CASR: variants seen among roughly 807,000 people sequenced by gnomAD.
The protein encoded by CASR is calcium sensing receptor.
In CASR, 23 loss-of-function variants were observed where a neutral mutation model predicts 69.1. The observed-to-expected ratio is 0.33, with a 90% confidence interval of 0.24 to 0.47. CASR has a LOEUF of 0.47. CASR is among the 20% of genes least tolerant of loss of function. The pLI, the probability that CASR is intolerant of heterozygous loss-of-function variation, is 1.00. For synonymous variants in CASR, 541 were observed against 544.7 expected (o/e 0.99, Z 0.10); for missense variants, 924 against 1,356.1 (o/e 0.68, Z 5.00).
rs530578516 is a variant in CASR at position 122,213,827 on chromosome 3, A to T, written c.-243+30015A>T. ...GAGAAGGCAAGGATGATCTGAGATG[A>T]CTTACTCATACTGGCTCCTGACTAT... On this transcript the variant is annotated intron_variant, in intron 1 of 6. Coordinates refer to ENST00000639785, the MANE Select transcript of CASR (RefSeq NM_000388.4). Among the ~76,000 whole-genome samples, 30 of 152,340 alleles carry T rather than the reference A, an allele frequency of 2.0e-4. 1 individual carries two copies. In the South Asian group the frequency reaches 6.2e-3, roughly 32 times the overall value.
chr3:122,264,272 A>G (rs181227258), intron 4 of CASR, among the ~76,000 whole-genome samples: 12 of 152,230 alleles, frequency 7.9e-5, no homozygotes, highest in African/African-American at 2.9e-4. Flanking sequence ...AGGTATTTTC[A>G]TCTCATCTTT....
intron 1 of CASR, among the ~76,000 whole-genome samples, chr3:122,249,878 C>G (rs2074465464): frequency 6.6e-6 from 1 of 152,080 alleles, no homozygotes; most frequent in African/African-American, 2.4e-5. Flanking sequence ...AGCCTTTTTT[C>G]TCTGTCAGGC....
chr3:122,251,875 G>C (rs557529211), intron 1 of CASR, among the ~76,000 whole-genome samples: 6 of 152,368 alleles, frequency 3.9e-5, no homozygotes, highest in South Asian at 4.1e-4. Flanking sequence ...TCAAAGCCAG[G>C]TGTGAATCCA....
chr3:122,284,453 C>T lies in CASR; in HGVS notation c.2499C>T (p.Val833=), dbSNP rs1240932110. 2 of 1,613,618 alleles carry T rather than the reference C, an allele frequency of 1.2e-6. No individual in the cohort carries two copies. The highest frequency in any genetic ancestry group is 1.7e-6 in the Non-Finnish European group (2 of 1,180,062). ...ATGCCAGCACCTATGGCAAGTTTGT[C>T]TCTGCCGTAGAGGTGATTGCCATCC... is the stretch of plus-strand genomic sequence containing the variant. ...PAYASTYGKF[V]SAVEVIAILA... Residue 833 remains valine, a synonymous_variant, in exon 7 of 7, where the codon GTC becomes GTT. Transcript: ENST00000639785.
intron 4 of CASR, among the ~76,000 whole-genome samples, chr3:122,265,796 T>C (rs959075575): frequency 4.6e-5 from 7 of 152,228 alleles, no homozygotes; most frequent in African/African-American, 1.7e-4. Flanking sequence ...CCTACTCTCC[T>C]GCACCTCACA....
At chr3:122,277,269 A>G (rs2074834159) in intron 5 of CASR, among the ~76,000 whole-genome samples, 1 of 151,538 alleles carries the variant, frequency 6.6e-6, no homozygotes, top group African/African-American at 2.4e-5. Context: ...CTGGTCACGA[A>G]CTCCTGACCT....
rs1483024145 is a variant in CASR at position 122,291,075 on chromosome 3, C to T, written c.*5884C>T. On this transcript the variant is annotated 3_prime_UTR_variant, in exon 7 of 7. Coordinates refer to ENST00000639785, the MANE Select transcript of CASR (RefSeq NM_000388.4). ...GACACGAACTCCTCATTTTTTATGG[C>T]TGCATAGTATTCCATGGTGTATATG... The T allele has an allele frequency of 6.8e-6, 1 of 146,674 alleles. No homozygotes were observed. The highest frequency in any genetic ancestry group is 1.5e-5 in the Non-Finnish European group (1 of 66,374). The allele number at this position is 146,674 out of a possible 1,614,324, so 9.1% of individuals were successfully genotyped here.
At chr3:122,277,491 T>C (rs1169681415) in intron 5 of CASR, among the ~76,000 whole-genome samples, 1 of 152,236 alleles carries the variant, frequency 6.6e-6, no homozygotes, top group Non-Finnish European at 1.5e-5. Flanking sequence ...AGGTCTCCCA[T>C]AGACAGTGAA....
chr3:122,276,395 G>A (rs763404004), intron 5 of CASR, among the ~76,000 whole-genome samples: 6 of 152,274 alleles, frequency 3.9e-5, no homozygotes, highest in African/African-American at 7.2e-5. Context: ...CTCTCAGCTC[G>A]GCCAAGGGCA....
chr3:122,213,453 G>A (rs1212016419), intron 1 of CASR, among the ~76,000 whole-genome samples: 2 of 152,190 alleles, frequency 1.3e-5, no homozygotes, highest in Non-Finnish European at 2.9e-5. Context: ...CTCAGAGTTA[G>A]TTCCCATAAT....
At chr3:122,278,142 T>C (rs1239705439) in intron 5 of CASR, among the ~76,000 whole-genome samples, 1 of 152,130 alleles carries the variant, frequency 6.6e-6, no homozygotes, top group Non-Finnish European at 1.5e-5. Context: ...TCAAATGAGA[T>C]CAAGGATGAA....
At chr3:122,194,917 A>G (rs2073873828) in intron 1 of CASR, among the ~76,000 whole-genome samples, 1 of 151,882 alleles carries the variant, frequency 6.6e-6, no homozygotes, top group Admixed American at 6.6e-5. Flanking sequence ...TTTGGTCCGT[A>G]CACTTTAGTT....
chr3:122,284,552 C>G lies in CASR; in HGVS notation c.2598C>G (p.Arg866=). 6.2e-7 allele frequency: 1 copy of G among 1,614,124 alleles called. No homozygotes were observed. Among genetic ancestry groups the G allele is most frequent in the Non-Finnish European group, 8.5e-7 (1 of 1,180,054 alleles). The change falls in exon 7 of 7, where the codon CGC becomes CGG. Residue 866 remains arginine (R), a synonymous_variant. Coordinates refer to ENST00000639785, the MANE Select transcript of CASR (RefSeq NM_000388.4). The part of the protein sequence containing the change: ...KIYIILFKPS[R]NTIEEVRCST... ...ACATCATTCTCTTCAAGCCATCCCG[C>G]AACACCATCGAGGAGGTGCGTTGCA... is the stretch of plus-strand genomic sequence containing the variant.
At chr3:122,275,276 T>C (rs1216368788) in intron 4 of CASR, among the ~76,000 whole-genome samples, 1 of 152,224 alleles carries the variant, frequency 6.6e-6, no homozygotes, top group African/African-American at 2.4e-5. Flanking sequence ...ACAACAATAA[T>C]GGCCGGGCTT....
chr3:122,207,857 C>T (rs1383966473), intron 1 of CASR, among the ~76,000 whole-genome samples: 1 of 151,974 alleles, frequency 6.6e-6, no homozygotes, highest in Non-Finnish European at 1.5e-5. Context: ...AACTTCCTTC[C>T]TGAAAAGGAA....
In CASR at chr3:122,257,173, T is replaced by C. The variant is rs2074563619; in HGVS notation, c.278T>C (p.Leu93Pro). 6.2e-7 allele frequency: 1 copy of C among 1,614,080 alleles called. No individual in the cohort carries two copies. The highest frequency in any genetic ancestry group is 1.1e-5 in the South Asian group (1 of 91,090). The change falls in exon 3 of 7, where the codon CTG (leucine) becomes CCG (proline). Residue 93 changes from leucine to proline, a missense_variant. By Grantham distance (98) the Leu-to-Pro change is moderately conservative. Around this residue, in one of 8 missense-constraint regions of CASR, gnomAD observed 141 missense variants for 283.0 expected, o/e 0.50. Transcript: ENST00000639785. ...SSPALLPNLT[L>P]GYRIFDTCNT... ...CCAGCCCTTCTTCCCAACTTGACGCTGGGATACAGGATATTTGACACTTGC... is the reference window on the plus strand; with the variant it reads ...CCAGCCCTTCTTCCCAACTTGACGCCGGGATACAGGATATTTGACACTTGC...
chr3:122,227,831 G>A (rs1320290898), intron 1 of CASR, among the ~76,000 whole-genome samples: 1 of 152,178 alleles, frequency 6.6e-6, no homozygotes, highest in Non-Finnish European at 1.5e-5. Context: ...TCAGCATCAT[G>A]CAATTTACCC....
intron 1 of CASR, among the ~76,000 whole-genome samples, chr3:122,231,638 T>C (rs1465023639): frequency 6.6e-6 from 1 of 152,128 alleles, no homozygotes; most frequent in Non-Finnish European, 1.5e-5. Context: ...TAACCTTGCC[T>C]TTCTGGTACA....
At chr3:122,220,802 C>T (rs564739499) in intron 1 of CASR, among the ~76,000 whole-genome samples, 8 of 152,126 alleles carry the variant, frequency 5.3e-5, no homozygotes, top group South Asian at 4.2e-4. Context: ...GGTGAAACCC[C>T]GTCTCTACTA....
Sources: allele counts gnomAD v4.1 joint callset (sites outside exome capture counted in the v4.1 genomes callset), GRCh38; gene constraint gnomAD v4.1.1; regional missense constraint gnomAD v4.1.1; transcripts MANE v1.5; gene names NCBI Gene and HGNC (gene_info 2026-07-23, HGNC 2026-07-21).